OTUD7A: variants seen among roughly 807,000 people sequenced by gnomAD.
OTUD7A encodes OTU domain-containing protein 7A.
Under a neutral mutation model 65.7 loss-of-function variants are expected in OTUD7A, and 12 were observed. That is an observed-to-expected ratio of 0.18 (90% CI 0.12 to 0.30). The LOEUF (loss-of-function observed/expected upper bound fraction) is 0.30. OTUD7A is among the 10% of genes least tolerant of loss of function. OTUD7A has a pLI of 1.00. For synonymous variants in OTUD7A, 641 were observed against 586.3 expected, an observed-to-expected ratio of 1.09 and a Z score of -1.35; for missense variants, 1,148 against 1,304.8, an observed-to-expected ratio of 0.88 and a Z score of 1.85.
intron 3 of OTUD7A, among the ~76,000 whole-genome samples, chr15:31,651,220 A>T (rs867756372): frequency 1.4e-4 from 21 of 147,512 alleles, no homozygotes; most frequent in Non-Finnish European, 2.4e-4. Flanking sequence ...TTAATCTAGT[A>T]TAGCAACAGT....
chr15:31,570,442 TACACACAC>T (rs57517466), intron 3 of OTUD7A, among the ~76,000 whole-genome samples: 10,952 of 143,222 alleles, frequency 0.076, 920 homozygotes, highest in African/African-American at 0.21. Context: ...TTTAGGTTCA[TACACACAC>T]ACACACACAC....
At chr15:31,843,763 T>TCA (rs1385234129) in intron 1 of OTUD7A, among the ~76,000 whole-genome samples, 5 of 152,238 alleles carry the variant, frequency 3.3e-5, no homozygotes, top group African/African-American at 7.2e-5. Flanking sequence ...CTGCATCACA[T>TCA]AATGATATGA....
At chr15:31,807,582 G>C (rs1452096971) in intron 1 of OTUD7A, among the ~76,000 whole-genome samples, 1 of 152,100 alleles carries the variant, frequency 6.6e-6, no homozygotes, top group Non-Finnish European at 1.5e-5. Context: ...GGATTATAGA[G>C]GGAGAGTTTG....
rs10581488 is a variant in OTUD7A, at chr15:31,802,103, A to G, written c.-100+68404T>C. On this transcript the variant is annotated intron_variant, in intron 1 of 12. Coordinates refer to ENST00000307050, the MANE Select transcript of OTUD7A (RefSeq NM_001382637.1). The stretch of plus-strand genomic sequence containing the variant: ...ATGGAATATATATGTGTGTGTATAT[A>G]TGTGTGTGTGTGTGTGTGTGTGTGT... Among the ~76,000 whole-genome samples the G allele has an allele frequency of 3.2e-3, 115 of 35,546 alleles. No individual in the cohort carries two copies. The East Asian group carries it at 0.065, about 20-fold the overall frequency. 23.3% of individuals were successfully genotyped at this position (35,546 alleles called of 152,430 possible).
At position 31,665,040 on chromosome 15, in the gene OTUD7A, A is replaced by G. The variant is rs188579878; in HGVS notation, c.-99-7963T>C. Among the ~76,000 whole-genome samples the G allele has an allele frequency of 3.1e-4, 47 of 152,268 alleles. No homozygotes were observed. The East Asian group carries it at 8.3e-3, about 27-fold the overall frequency. ...ATGTGCCTATTTTTATACCAGTACC[A>G]CGCTGTTTTGGTGACTACGGCCTTA... On this transcript the variant is annotated intron_variant, in intron 1 of 12. Coordinates refer to ENST00000307050, the MANE Select transcript of OTUD7A (RefSeq NM_001382637.1).
chr15:31,692,282 T>C (rs2654096), intron 1 of OTUD7A, among the ~76,000 whole-genome samples: 17,754 of 88,404 alleles, frequency 0.2, 2,974 homozygotes, highest in African/African-American at 0.48. Flanking sequence ...ATAGCTGAAA[T>C]GTGGAATCAA....
At chr15:31,770,627 A>G (rs946804759) in intron 1 of OTUD7A, among the ~76,000 whole-genome samples, 4 of 152,228 alleles carry the variant, frequency 2.6e-5, no homozygotes, top group Non-Finnish European at 5.9e-5. Context: ...ATAGGCCAAT[A>G]TCCTTCATGA....
At chr15:31,714,524 T>G (rs893265221) in intron 1 of OTUD7A, among the ~76,000 whole-genome samples, 3 of 152,202 alleles carry the variant, frequency 2.0e-5, no homozygotes, top group African/African-American at 7.2e-5. Context: ...ATATTTACAT[T>G]TTTTTATAAT....
chr15:31,736,329 A>G (rs188268276), intron 1 of OTUD7A, among the ~76,000 whole-genome samples: 8 of 152,368 alleles, frequency 5.3e-5, no homozygotes, highest in Admixed American at 1.3e-4. Flanking sequence ...CCACAGCTTG[A>G]TAATTACAGA....
chr15:31,487,256 T>C lies in OTUD7A; in HGVS notation c.1309A>G (p.Lys437Glu), dbSNP rs774717523. ...ATGTAGCTGTGCAGAAGGTTCAGCT[T>C]GGCTTCTAGCGACAGGATAAGGCTG... ...LAHLILSLEA[K>E]LNLLHSYMNV... Residue 437 changes from lysine (K) to glutamate (E), a missense_variant, in exon 12 of 13, where the codon AAG becomes GAG. Transcript: ENST00000307050. The surrounding 1 kb of genome is among the most constrained non-coding windows in gnomAD (Gnocchi z 6.0). 1.9e-6 allele frequency: 3 copies of C among 1,614,036 alleles called. No individual in the cohort carries two copies. In the South Asian group the frequency reaches 3.3e-5, roughly 18 times the overall value.
rs994743064 is a variant in OTUD7A, at chr15:31,860,617, G to A, written c.-100+9890C>T. Among the ~76,000 whole-genome samples, 14 of 45,052 alleles carry A rather than the reference G, an allele frequency of 3.1e-4. 1 individual carries two copies. Among genetic ancestry groups the A allele is most frequent in the Admixed American group, 1.2e-3 (4 of 3,356 alleles). The allele number at this position is 45,052 out of a possible 152,430, so 29.6% of individuals were successfully genotyped here. On this transcript the variant is annotated intron_variant, in intron 1 of 12. Transcript: ENST00000307050. ...CTCAGTATTCTCCTCGACCCCAGAA[G>A]TGGAGATATATATATATATATATAT... is the stretch of plus-strand genomic sequence containing the variant.
At chr15:31,557,488 G>C (rs1888535266) in intron 5 of OTUD7A, 1 of 152,292 alleles carries the variant, frequency 6.6e-6, no homozygotes, top group African/African-American at 2.4e-5. Flanking sequence ...TCAGAACCTG[G>C]ATGGTGGAGG....
At chr15:31,602,190 A>G (rs544546577) in intron 3 of OTUD7A, among the ~76,000 whole-genome samples, 28 of 152,356 alleles carry the variant, frequency 1.8e-4, no homozygotes, top group African/African-American at 6.7e-4. Context: ...ATGAACATCA[A>G]TGAAAAAATC....
chr15:31,659,421 C>A (rs180719977), intron 1 of OTUD7A, among the ~76,000 whole-genome samples: 1 of 152,308 alleles, frequency 6.6e-6, no homozygotes, highest in African/African-American at 2.4e-5. Flanking sequence ...CACAGCAGGG[C>A]CAACTCTAAG....
At chr15:31,663,282 C>CACACACACA (rs974611178) in intron 1 of OTUD7A, among the ~76,000 whole-genome samples, 3 of 150,358 alleles carry the variant, frequency 2.0e-5, no homozygotes, top group African/African-American at 7.4e-5. Context: ...CACACACACA[C>CACACACACA]AAGTTTTTAA....
intron 8 of OTUD7A, among the ~76,000 whole-genome samples, chr15:31,513,937 T>A (rs1444849014): frequency 6.6e-6 from 1 of 152,220 alleles, no homozygotes; most frequent in Non-Finnish European, 1.5e-5. Context: ...AATCCATTAG[T>A]GTGATTATGT....
intron 10 of OTUD7A, among the ~76,000 whole-genome samples, chr15:31,489,152 C>T (rs987436196): frequency 6.6e-6 from 1 of 152,198 alleles, no homozygotes; most frequent in Non-Finnish European, 1.5e-5. Flanking sequence ...GTTAGCCTCG[C>T]TTCTTACTCA....
chr15:31,686,907 G>A (rs4041929), intron 1 of OTUD7A, among the ~76,000 whole-genome samples: 15,090 of 152,218 alleles, frequency 0.099, 1,023 homozygotes, highest in East Asian at 0.25. Context: ...CTTTTCAGAG[G>A]AAGTATTTTT....
At position 31,653,442 on chromosome 15, in the gene OTUD7A, C is replaced by T. The variant is rs550761052; in HGVS notation, c.151+1654G>A. Reference sequence around the variant, plus strand: ...ATACTACTCAGCAACAAAAAGGAACCGGCTACTGACACATGACTTGATGAG... The same window carrying T: ...ATACTACTCAGCAACAAAAAGGAACTGGCTACTGACACATGACTTGATGAG... On this transcript the variant is annotated intron_variant, in intron 3 of 12. Coordinates refer to ENST00000307050, the MANE Select transcript of OTUD7A (RefSeq NM_001382637.1). Among the ~76,000 whole-genome samples, 17 of 151,884 alleles carry T rather than the reference C, an allele frequency of 1.1e-4. No individual in the cohort carries two copies. In the East Asian group the frequency reaches 2.7e-3, roughly 24 times the overall value.
Sources: gnomAD v4.1 joint callset for allele counts (sites outside exome capture counted in the v4.1 genomes callset) on GRCh38, gnomAD v4.1.1 for gene constraint, Gnocchi (gnomAD v3.1) non-coding constraint, MANE v1.5 for transcripts, NCBI Gene and HGNC (gene_info 2026-07-23, HGNC 2026-07-21) for gene names.